The following CYFIP1 variants were observed in gnomAD, a reference collection of about 807,000 sequenced individuals.
CYFIP1 encodes the protein cytoplasmic FMR1 interacting protein 1, also known as cytoplasmic FMR1-interacting protein 1.
CYFIP1 carries 58 observed loss-of-function variants against 163.5 expected under a neutral mutation model. The observed-to-expected ratio is 0.35, with a 90% CI of 0.29 to 0.44. The LOEUF (loss-of-function observed/expected upper bound fraction) is 0.44, where lower values mean the gene tolerates loss of function less well. Ranked by LOEUF, CYFIP1 falls within the 20% of genes least tolerant of loss-of-function variation. The probability of loss-of-function intolerance (pLI) is 1.00; values close to 1 mark genes in which losing one functional copy is unlikely to be tolerated. For synonymous variants in CYFIP1, 663 were observed against 660.7 expected (o/e 1.00, Z -0.05); for missense variants, 1,338 against 1,653.8 (o/e 0.81, Z 3.31).
intron 1 of CYFIP1, among the ~76,000 whole-genome samples, chr15:22,961,169 T>C (rs560737589): frequency 1.3e-5 from 2 of 151,566 alleles, no homozygotes; most frequent in African/African-American, 4.8e-5. Context: ...TTACAGGGGC[T>C]CGCCACCATG....
chr15:22,906,883 C>G (rs1304679977), intron 21 of CYFIP1, among the ~76,000 whole-genome samples: 2 of 152,114 alleles, frequency 1.3e-5, no homozygotes, highest in Non-Finnish European at 2.9e-5. Flanking sequence ...CTGCTGTGCA[C>G]TTACATTTTC....
rs188552293 is a variant in CYFIP1 at position 22,917,974 on chromosome 15, C to T, written c.1527-39G>A. 943 of 1,597,290 alleles carry T rather than the reference C, an allele frequency of 5.9e-4. 2 individuals are homozygous for T. In the African/African-American group the frequency reaches 0.011, roughly 18 times the overall value. Reference sequence around the variant, plus strand: ...CAAGTGATCAGCAAGGCCCAGAGGCCGAGACCTCCAGCCTCACAATCACAC... The same window carrying T: ...CAAGTGATCAGCAAGGCCCAGAGGCTGAGACCTCCAGCCTCACAATCACAC... On this transcript the variant is annotated intron_variant, in intron 14 of 30. Transcript: ENST00000617928. The surrounding 1 kb of genome is among the most constrained non-coding windows in gnomAD (Gnocchi z 4.2).
At chr15:22,897,251 G>T (rs1276367796) in intron 22 of CYFIP1, among the ~76,000 whole-genome samples, 1 of 151,936 alleles carries the variant, frequency 6.6e-6, no homozygotes, top group African/African-American at 2.4e-5. Flanking sequence ...AAGGGACGTG[G>T]AGAATAAAAT....
chr15:22,877,422 A>C (rs1219266206), intron 26 of CYFIP1, among the ~76,000 whole-genome samples: 1 of 152,166 alleles, frequency 6.6e-6, no homozygotes, highest in Non-Finnish European at 1.5e-5. Flanking sequence ...ACAGCAACAC[A>C]AAATGGACTA....
At chr15:22,944,968 G>A (rs1488129325) in intron 3 of CYFIP1, 29 bp from the exon 4 acceptor site, 1 of 1,597,424 alleles carries the variant, frequency 6.3e-7, no homozygotes, top group African/African-American at 1.3e-5. Flanking sequence ...CAAATCAAAG[G>A]CAGGCGGGGG....
At chr15:22,948,808 T>TTA (rs1555419787) in intron 1 of CYFIP1, among the ~76,000 whole-genome samples, 2 of 139,726 alleles carry the variant, frequency 1.4e-5, no homozygotes, top group African/African-American at 5.3e-5. Flanking sequence ...TACTGAAATG[T>TTA]AAAAAAAAAA....
intron 24 of CYFIP1, among the ~76,000 whole-genome samples, chr15:22,882,561 T>G (rs899803000): frequency 6.6e-6 from 1 of 152,142 alleles, no homozygotes. Context: ...CCCCAGCACT[T>G]TGGGAGGCCA....
chr15:22,938,583 T>C (rs1448354962), intron 8 of CYFIP1, among the ~76,000 whole-genome samples: 1 of 151,258 alleles, frequency 6.6e-6, no homozygotes, highest in Non-Finnish European at 1.5e-5. Context: ...GGAGCCTGGG[T>C]GAAAGAGCAA....
At chr15:22,967,831 T>A (rs1438555462) in intron 1 of CYFIP1, among the ~76,000 whole-genome samples, 1 of 151,446 alleles carries the variant, frequency 6.6e-6, no homozygotes, top group African/African-American at 2.4e-5. Context: ...AGCCCAGGAG[T>A]TCATGACCAG....
chr15:22,943,371 G>C lies in CYFIP1; in HGVS notation c.388-17C>G. 1 of 1,611,892 alleles carries C rather than the reference G, an allele frequency of 6.2e-7. No individual in the cohort carries two copies. Among genetic ancestry groups the C allele is most frequent in the Non-Finnish European group, 8.5e-7 (1 of 1,179,096 alleles). ...GGCATTTCTCTGTGCAGAGGAAGCA[G>C]GAGGGCAGAAAGCTGCAGGTCAGTG... On this transcript the variant is annotated splice_polypyrimidine_tract_variant and intron_variant, in intron 5 of 30. Transcript: ENST00000617928.
intron 11 of CYFIP1, among the ~76,000 whole-genome samples, chr15:22,931,113 A>T (rs1222936778): frequency 2.0e-5 from 3 of 152,178 alleles, no homozygotes; most frequent in Admixed American, 2.0e-4. Context: ...GGTGGGGGAC[A>T]GGGTGCTCAT....
intron 22 of CYFIP1, 39 bp from the exon 23 acceptor site, chr15:22,893,016 T>C: frequency 6.8e-7 from 1 of 1,468,912 alleles, no homozygotes; most frequent in South Asian, 1.1e-5. Flanking sequence ...AGAAACCAAA[T>C]TTAACAATAG....
chr15:22,925,405 A>T (rs1242967183), intron 13 of CYFIP1, among the ~76,000 whole-genome samples: 2 of 152,198 alleles, frequency 1.3e-5, no homozygotes, highest in Admixed American at 6.5e-5. Context: ...TTGTCACGTG[A>T]CCAGCTACAA....
chr15:22,941,343 T>TGAGCC (rs2061887091), intron 6 of CYFIP1, among the ~76,000 whole-genome samples: 1 of 152,138 alleles, frequency 6.6e-6, no homozygotes, highest in Non-Finnish European at 1.5e-5. Flanking sequence ...ATTACAGGTG[T>TGAGCC]GAGCCATCGC....
Position 22,867,314 on chromosome 15 carries a change from A to G in CYFIP1, c.*2714T>C, listed in dbSNP as rs943103191. On this transcript the variant is annotated 3_prime_UTR_variant, in exon 31 of 31. Coordinates refer to ENST00000617928, the MANE Select transcript of CYFIP1 (RefSeq NM_014608.6). Reference sequence around the variant, plus strand: ...AAAAGTGGCTCCTGTTTGTTTGATGATGATTGGTTTTATTTTTGAAATATT... The same window carrying G: ...AAAAGTGGCTCCTGTTTGTTTGATGGTGATTGGTTTTATTTTTGAAATATT... 3.0e-5 allele frequency: 12 copies of G among 397,982 alleles called. No individual in the cohort carries two copies. Among genetic ancestry groups the G allele is most frequent in the Middle Eastern group, 6.3e-4 (1 of 1,582 alleles). 24.7% of individuals were successfully genotyped at this position (397,982 alleles called of 1,614,324 possible). A position where few individuals can be genotyped will look rare whatever the true frequency, so the allele number is the denominator to read the frequency against.
chr15:22,957,220 T>A (rs2062492689), intron 1 of CYFIP1, among the ~76,000 whole-genome samples: 1 of 152,214 alleles, frequency 6.6e-6, no homozygotes, highest in Non-Finnish European at 1.5e-5. Flanking sequence ...TTACAACTTG[T>A]GGCCGGGCAC....
chr15:22,930,389 C>CAAAGGAAAAA (rs869052648), intron 11 of CYFIP1, among the ~76,000 whole-genome samples: 21 of 114,088 alleles, frequency 1.8e-4, no homozygotes, highest in African/African-American at 6.0e-4. Context: ...CCGTCTCACC[C>CAAAGGAAAAA]AAAAAAAAAA....
intron 3 of CYFIP1, 56 bp downstream of exon 3, chr15:22,946,947 G>T: frequency 6.9e-7 from 1 of 1,451,474 alleles, no homozygotes; most frequent in Non-Finnish European, 9.7e-7. Context: ...GTATACATCT[G>T]TCCTTCAAAC....
At chr15:22,979,158 C>T (rs1006150564) in intron 1 of CYFIP1, among the ~76,000 whole-genome samples, 1 of 152,158 alleles carries the variant, frequency 6.6e-6, no homozygotes, top group Non-Finnish European at 1.5e-5. Flanking sequence ...TACGAGTGCA[C>T]ACCTGCTACG....
Sources: allele counts gnomAD v4.1 joint callset (sites outside exome capture counted in the v4.1 genomes callset), GRCh38; gene constraint gnomAD v4.1.1; non-coding constraint Gnocchi (gnomAD v3.1); transcripts MANE v1.5; gene names NCBI Gene and HGNC (gene_info 2026-07-23, HGNC 2026-07-21).